The following FAM228B variants were observed in gnomAD, a reference collection of about 807,000 sequenced individuals.
FAM228B encodes the protein protein FAM228B.
A neutral mutation model predicts 42.6 loss-of-function variants in FAM228B; 38 were observed. That is an observed-to-expected ratio of 0.89 (90% confidence interval 0.69 to 1.17). The LOEUF is 1.17. Among genes scored for constraint, FAM228B ranks in the 50% most tolerant of loss-of-function variants. The pLI, the probability that FAM228B is intolerant of heterozygous loss-of-function variation, is 0.00. For synonymous variants in FAM228B, 109 were observed against 122.3 expected (o/e 0.89, Z 0.72); for missense variants, 344 against 367.3 (o/e 0.94, Z 0.52).
chr2:24,163,571 A>T (rs1667331661), intron 8 of FAM228B, among the ~76,000 whole-genome samples: 1 of 152,244 alleles, frequency 6.6e-6, no homozygotes, highest in Admixed American at 6.5e-5. Context: ...GGTCCAAAGG[A>T]GTAAGTTCTT....
At chr2:24,120,872 CT>C (rs35518003), upstream of FAM228B, among the ~76,000 whole-genome samples, 18,985 of 141,522 alleles carry the variant, frequency 0.13, 1,271 homozygotes, top group South Asian at 0.19. Flanking sequence ...ATGATTATCT[CT>C]TTTTTTTTTT....
chr2:24,154,963 C>A (rs898670880), intron 7 of FAM228B, among the ~76,000 whole-genome samples: 11 of 152,094 alleles, frequency 7.2e-5, no homozygotes, highest in Non-Finnish European at 1.5e-4. Context: ...CAGAAATAAA[C>A]CTTAAAACAG....
chr2:24,142,119 C>T (rs941854541), intron 5 of FAM228B, among the ~76,000 whole-genome samples: 1 of 152,184 alleles, frequency 6.6e-6, no homozygotes, highest in African/African-American at 2.4e-5. Context: ...CCTGGCACTT[C>T]CCAGACCCTG....
At chr2:24,134,867 T>G (rs535441806) in intron 2 of FAM228B, among the ~76,000 whole-genome samples, 2 of 152,318 alleles carry the variant, frequency 1.3e-5, no homozygotes, top group East Asian at 3.9e-4. Context: ...CAAGAATCGC[T>G]TGAACCCTGG....
rs1393190775 is a variant in FAM228B, at chr2:24,084,358, G to C, written c.-210+3403G>C. 7.3e-7 allele frequency: 1 copy of C among 1,364,670 alleles called. No homozygotes were observed. The highest frequency in any genetic ancestry group is 2.6e-5 in the East Asian group (1 of 38,846). The allele number at this position is 1,364,670 out of a possible 1,614,324, so 84.5% of individuals were successfully genotyped here. A position where few individuals can be genotyped will look rare whatever the true frequency, so the allele number is the denominator to read the frequency against. Reference sequence around the variant, plus strand: ...TGAGGACACAGGGCAGGGCAGGGCAGGACAGGACAGGGCAGGGCAGGGCAG... The same window carrying C: ...TGAGGACACAGGGCAGGGCAGGGCACGACAGGACAGGGCAGGGCAGGGCAG... On this transcript the variant is annotated intron_variant, in intron 2 of 10. Coordinates refer to the FAM228B transcript ENST00000613899. This position sits in a 1 kb window ranked among gnomAD's most constrained non-coding sequence, Gnocchi z 8.4.
At chr2:24,161,665 G>A (rs1161277257) in intron 8 of FAM228B, 52 bp downstream of exon 8, 1 of 1,110,770 alleles carries the variant, frequency 9.0e-7, no homozygotes, top group East Asian at 2.6e-5. Flanking sequence ...ATGCTAGGCT[G>A]TGCTGCCATC....
chr2:24,088,385 C>G (rs1665308875), intron 2 of FAM228B, among the ~76,000 whole-genome samples: 1 of 152,134 alleles, frequency 6.6e-6, no homozygotes, highest in Non-Finnish European at 1.5e-5. Flanking sequence ...GAGTCTGGCT[C>G]TGTCGCCTAG....
chr2:24,123,842 C>G lies in FAM228B; in HGVS notation c.-33+309C>G, dbSNP rs141668956. On this transcript the variant is annotated intron_variant, in intron 1 of 10. Coordinates refer to ENST00000615575, the MANE Select transcript of FAM228B (RefSeq NM_001145710.2). The stretch of plus-strand genomic sequence containing the variant: ...CGCGATGAGCGAGAGCGGGTGCGGA[C>G]GCCTACGACATCCCCGTCGCACCCG... Among the ~76,000 whole-genome samples, 471 of 152,230 alleles carry G rather than the reference C, an allele frequency of 3.1e-3. 1 individual carries two copies. The highest frequency in any genetic ancestry group is 5.3e-3 in the Non-Finnish European group (360 of 67,990).
At chr2:24,132,366 C>G (rs1434840678) in intron 2 of FAM228B, among the ~76,000 whole-genome samples, 1 of 151,650 alleles carries the variant, frequency 6.6e-6, no homozygotes, top group East Asian at 1.9e-4. Context: ...AGGAGTCCCT[C>G]CTTTTCAATT....
intron 3 of FAM228B, among the ~76,000 whole-genome samples, chr2:24,114,993 T>C (rs890157428): frequency 4.6e-5 from 7 of 152,186 alleles, no homozygotes; most frequent in East Asian, 1.9e-4. Context: ...GAAATGTCCA[T>C]TGAATACCTT....
At chr2:24,090,894 C>G (rs1272925340) in intron 2 of FAM228B, among the ~76,000 whole-genome samples, 1 of 152,102 alleles carries the variant, frequency 6.6e-6, no homozygotes, top group Admixed American at 6.6e-5. Flanking sequence ...TCAATTGAAC[C>G]TCCCACCTCA....
intron 2 of FAM228B, among the ~76,000 whole-genome samples, chr2:24,088,964 A>G (rs1166719614): frequency 6.6e-6 from 1 of 152,254 alleles, no homozygotes; most frequent in Admixed American, 6.5e-5. Flanking sequence ...TAGTGTCAGA[A>G]ACGAAGTGTT....
chr2:24,169,285 A>G lies in FAM228B; in HGVS notation c.*15-71A>G. The G allele has an allele frequency of 2.3e-6, 1 of 427,576 alleles. No homozygotes were observed. Among genetic ancestry groups the G allele is most frequent in the Non-Finnish European group, 5.2e-6 (1 of 193,564 alleles). The allele number at this position is 427,576 out of a possible 1,614,324, so 26.5% of individuals were successfully genotyped here. On this transcript the variant is annotated intron_variant, in intron 10 of 10. Transcript: ENST00000615575. This position sits in a 1 kb window ranked among gnomAD's most constrained non-coding sequence, Gnocchi z 4.2. Reference sequence around the variant, plus strand: ...GGGATCAGCTCAGCTTAGCTGGGGAACGCTTTCTGCTCTCGTAAGCCCCTC... The same window carrying G: ...GGGATCAGCTCAGCTTAGCTGGGGAGCGCTTTCTGCTCTCGTAAGCCCCTC...
chr2:24,100,814 G>A lies in FAM228B; in HGVS notation c.-121+5585G>A, dbSNP rs556191045. On this transcript the variant is annotated intron_variant, in intron 3 of 10. Transcript: ENST00000613899. Reference sequence around the variant, plus strand: ...TGCTACTATAAAGACATATGCACACGTATGTTTATTGTGGCACTATTCACA... The same window carrying A: ...TGCTACTATAAAGACATATGCACACATATGTTTATTGTGGCACTATTCACA... Among the ~76,000 whole-genome samples, 15 of 152,232 alleles carry A rather than the reference G, an allele frequency of 9.9e-5. No individual in the cohort carries two copies. The East Asian group carries it at 1.3e-3, about 14-fold the overall frequency.
intron 5 of FAM228B, among the ~76,000 whole-genome samples, chr2:24,139,707 C>T (rs1024573451): frequency 6.6e-6 from 1 of 151,906 alleles, no homozygotes; most frequent in South Asian, 2.1e-4. Context: ...AAATTTGTTA[C>T]AAAAGTAACA....
chr2:24,077,701 C>T lies in FAM228B; in HGVS notation c.-290+732C>T, dbSNP rs1470446019. ...AGAACCGGCAGCAGACGTTGGGGGCCCTCCGTGGAGAAGTGAGGCAGAATT... is the reference window on the plus strand; with the variant it reads ...AGAACCGGCAGCAGACGTTGGGGGCTCTCCGTGGAGAAGTGAGGCAGAATT... On this transcript the variant is annotated intron_variant, in intron 1 of 10. Coordinates refer to the FAM228B transcript ENST00000613899. The surrounding 1 kb of genome is among the most constrained non-coding windows in gnomAD (Gnocchi z 5.5). The T allele has an allele frequency of 6.2e-7, 1 of 1,613,934 alleles. No individual in the cohort carries two copies. Among genetic ancestry groups the T allele is most frequent in the African/African-American group, 1.3e-5 (1 of 74,894 alleles).
intron 9 of FAM228B, among the ~76,000 whole-genome samples, chr2:24,166,772 C>T (rs1324285627): frequency 6.6e-6 from 1 of 152,096 alleles, no homozygotes; most frequent in Non-Finnish European, 1.5e-5. Context: ...GAGGAGGCTT[C>T]TCCTCTGAGA....
chr2:24,160,465 C>A (rs368053067), intron 7 of FAM228B, among the ~76,000 whole-genome samples: 2 of 151,854 alleles, frequency 1.3e-5, no homozygotes, highest in Non-Finnish European at 2.9e-5. Context: ...ATATATTAGG[C>A]CTTCTTATTA....
At chr2:24,127,486 G>A (rs1666344486) in intron 2 of FAM228B, among the ~76,000 whole-genome samples, 1 of 152,066 alleles carries the variant, frequency 6.6e-6, no homozygotes, top group Non-Finnish European at 1.5e-5. Context: ...TGGGTCATAT[G>A]GTAACTATAT....
Sources: gnomAD v4.1 joint callset for allele counts (sites outside exome capture counted in the v4.1 genomes callset) on GRCh38, gnomAD v4.1.1 for gene constraint, Gnocchi (gnomAD v3.1) non-coding constraint, MANE v1.5 for transcripts, NCBI Gene and HGNC (gene_info 2026-07-23, HGNC 2026-07-21) for gene names.